Variants in ASIC2 observed in about 807,000 individuals in gnomAD.
ASIC2 encodes acid-sensing ion channel 2.
Under a neutral mutation model 57.3 loss-of-function variants are expected in ASIC2, and 25 were observed. The ratio of observed to expected loss-of-function variants is 0.44; its 90% CI spans 0.32 to 0.61. ASIC2 has a LOEUF of 0.61. Among genes scored for constraint, ASIC2 ranks in the 20% least tolerant of loss-of-function variants. The pLI, the probability that ASIC2 is intolerant of heterozygous loss-of-function variation, is 0.06. For missense variants in ASIC2, 641 were observed against 738.1 expected, an observed-to-expected ratio of 0.87 and a Z score of 1.52; for synonymous variants, 319 against 307.5, an observed-to-expected ratio of 1.04 and a Z score of -0.39.
chr17:33,308,997 G>C (rs2142202530), intron 1 of ASIC2, among the ~76,000 whole-genome samples: 1 of 152,304 alleles, frequency 6.6e-6, no homozygotes, highest in South Asian at 2.1e-4. Flanking sequence ...ATTCCAGGCT[G>C]ATAAATGCTT....
intron 1 of ASIC2, among the ~76,000 whole-genome samples, chr17:33,190,405 A>G (rs1906366967): frequency 6.6e-6 from 1 of 152,216 alleles, no homozygotes; most frequent in Non-Finnish European, 1.5e-5. Context: ...ATATGTAAAT[A>G]CAGAGAAATG....
At chr17:33,905,141 CT>C (rs57064859) in intron 1 of ASIC2, among the ~76,000 whole-genome samples, 4,497 of 87,894 alleles carry the variant, frequency 0.051, 85 homozygotes, top group East Asian at 0.2. Context: ...TAGTTTAAGG[CT>C]TTTTTTTTTT....
intron 1 of ASIC2, among the ~76,000 whole-genome samples, chr17:34,108,150 T>C (rs377331159): frequency 6.6e-6 from 1 of 152,146 alleles, no homozygotes; most frequent in African/African-American, 2.4e-5. Context: ...CCTTACTTAT[T>C]TTCAACAACT....
intron 1 of ASIC2, among the ~76,000 whole-genome samples, chr17:33,282,766 G>A (rs1597665042): frequency 1.3e-5 from 2 of 152,030 alleles, no homozygotes; most frequent in Non-Finnish European, 2.9e-5. Context: ...GAACCACCAC[G>A]CCCGGCCTCT....
At chr17:33,280,517 C>T (rs958560956) in intron 1 of ASIC2, among the ~76,000 whole-genome samples, 1 of 152,172 alleles carries the variant, frequency 6.6e-6, no homozygotes, top group Non-Finnish European at 1.5e-5. Context: ...CTAGAACCTC[C>T]ACATCTGTTT....
chr17:33,609,895 GA>G (rs1905341267), intron 1 of ASIC2, among the ~76,000 whole-genome samples: 1 of 152,090 alleles, frequency 6.6e-6, no homozygotes. Flanking sequence ...TAGAGGAGGG[GA>G]GGGGGGAAAA....
chr17:34,088,124 TAG>T (rs1444155132), intron 1 of ASIC2, among the ~76,000 whole-genome samples: 3 of 152,230 alleles, frequency 2.0e-5, no homozygotes, highest in African/African-American at 7.2e-5. Context: ...CTCTGATTTT[TAG>T]AGTTTCCAGT....
At chr17:33,503,046 G>A (rs1327018051) in intron 1 of ASIC2, among the ~76,000 whole-genome samples, 1 of 152,202 alleles carries the variant, frequency 6.6e-6, no homozygotes, top group African/African-American at 2.4e-5. Flanking sequence ...CTTGAGCTCA[G>A]CAAGTCCTGA....
rs35416686 is a variant in ASIC2 at position 33,065,343 on chromosome 17, A to ATTT, written c.987+23517_987+23519dup. 1.2e-4 allele frequency among the ~76,000 whole-genome samples: 18 copies of ATTT among 144,182 alleles called. 1 individual carries two copies. Among genetic ancestry groups the ATTT allele is most frequent in the African/African-American group, 4.6e-4 (18 of 39,558 alleles). The allele number at this position is 144,182 out of a possible 152,430, so 94.6% of individuals were successfully genotyped here. ...AGCTGCTCAGTCACCACTTCCTGCT[A>ATTT]TTTTTTTTTTTTTGAGAATTGGGGT... On this transcript the variant is annotated intron_variant, in intron 3 of 9. Coordinates refer to ENST00000225823, the MANE Select transcript of ASIC2 (RefSeq NM_183377.2).
At chr17:34,106,296 A>G (rs1444454435) in intron 1 of ASIC2, among the ~76,000 whole-genome samples, 2 of 152,044 alleles carry the variant, frequency 1.3e-5, no homozygotes, top group African/African-American at 4.8e-5. Flanking sequence ...ATAGTTATTG[A>G]TATTTCTCTT....
At chr17:33,506,867 C>T (rs564547470) in intron 1 of ASIC2, among the ~76,000 whole-genome samples, 5 of 152,292 alleles carry the variant, frequency 3.3e-5, no homozygotes, top group Non-Finnish European at 4.4e-5. Flanking sequence ...ACTTGGTTAT[C>T]GTGGTTGGTC....
chr17:33,335,836 A>G (rs1355996348), intron 1 of ASIC2, among the ~76,000 whole-genome samples: 1 of 152,222 alleles, frequency 6.6e-6, no homozygotes, highest in Non-Finnish European at 1.5e-5. Flanking sequence ...AATAAGACTC[A>G]GTCCTTACAC....
intron 1 of ASIC2, among the ~76,000 whole-genome samples, chr17:33,938,293 C>T (rs1412772683): frequency 6.6e-6 from 1 of 152,072 alleles, no homozygotes; most frequent in Non-Finnish European, 1.5e-5. Flanking sequence ...CCCTCCTTAT[C>T]CACCTTCAAG....
At chr17:33,200,983 C>T (rs1173583233) in intron 1 of ASIC2, among the ~76,000 whole-genome samples, 1 of 152,124 alleles carries the variant, frequency 6.6e-6, no homozygotes, top group Admixed American at 6.5e-5. Flanking sequence ...CTGGAATGCT[C>T]CTTCCCCAGA....
At chr17:33,909,310 G>A (rs569708284) in intron 1 of ASIC2, among the ~76,000 whole-genome samples, 2 of 152,200 alleles carry the variant, frequency 1.3e-5, no homozygotes, top group Non-Finnish European at 2.9e-5. Flanking sequence ...GGCCTACAAG[G>A]ACAAGGTGAG....
At chr17:33,512,869 T>A (rs915739499) in intron 1 of ASIC2, among the ~76,000 whole-genome samples, 15 of 152,190 alleles carry the variant, frequency 9.9e-5, no homozygotes, top group Non-Finnish European at 2.2e-4. Flanking sequence ...TGAATGGAGT[T>A]CAGCTGACAA....
chr17:33,723,637 C>A (rs1909453904), intron 1 of ASIC2, among the ~76,000 whole-genome samples: 1 of 152,118 alleles, frequency 6.6e-6, no homozygotes. Flanking sequence ...CCCTATGATT[C>A]CATTTAAATT....
chr17:33,759,217 G>A (rs1478024578), intron 1 of ASIC2, among the ~76,000 whole-genome samples: 1 of 152,210 alleles, frequency 6.6e-6, no homozygotes, highest in Non-Finnish European at 1.5e-5. Context: ...CATCCTTGTT[G>A]TAAATTGGCA....
At chr17:33,582,383 C>T (rs1244167314) in intron 1 of ASIC2, among the ~76,000 whole-genome samples, 1 of 152,100 alleles carries the variant, frequency 6.6e-6, no homozygotes, top group African/African-American at 2.4e-5. Context: ...AATGATTTCC[C>T]AAATAGCTGC....
Sources: gnomAD v4.1 joint callset for allele counts (sites outside exome capture counted in the v4.1 genomes callset) on GRCh38, gnomAD v4.1.1 for gene constraint, MANE v1.5 for transcripts, NCBI Gene and HGNC (gene_info 2026-07-23, HGNC 2026-07-21) for gene names.